The following MLH3 variants were observed in gnomAD, a reference collection of about 807,000 sequenced individuals.
The protein encoded by MLH3 is DNA mismatch repair protein Mlh3.
In MLH3, 82 loss-of-function variants were observed where a neutral mutation model predicts 122.2. That is an observed-to-expected ratio of 0.67 (90% confidence interval 0.56 to 0.81). The LOEUF (loss-of-function observed/expected upper bound fraction) is 0.81. Ranked by LOEUF, MLH3 falls within the 30% of genes least tolerant of loss-of-function variation. The pLI, the probability that MLH3 is intolerant of heterozygous loss-of-function variation, is 0.00. For missense variants in MLH3, 1,539 were observed against 1,714.5 expected (o/e 0.90, Z 1.81); for synonymous variants, 524 against 599.5 (o/e 0.87, Z 1.84).
chr14:75,027,687 A>AC (rs200090909), intron 9 of MLH3, among the ~76,000 whole-genome samples: 3 of 147,482 alleles, frequency 2.0e-5, no homozygotes, highest in East Asian at 3.9e-4. Flanking sequence ...AAAAAAAAAA[A>AC]AAAAAAACCC....
chr14:75,023,984 CA>C (rs1890457991), intron 9 of MLH3, among the ~76,000 whole-genome samples: 1 of 152,070 alleles, frequency 6.6e-6, no homozygotes, highest in African/African-American at 2.4e-5. Flanking sequence ...CAAACCTAAA[CA>C]GAAAGATGGT....
At position 75,048,174 on chromosome 14, in the gene MLH3, A is replaced by G. The variant is rs200067582; in HGVS notation, c.1482T>C (p.His494=). 4.1e-5 allele frequency: 66 copies of G among 1,613,976 alleles called. No individual in the cohort carries two copies. In the East Asian group the frequency reaches 1.4e-3, roughly 35 times the overall value. Reference sequence around the variant, plus strand: ...TTCCACACGGATTTTCTAAAGAGCTATGTTCCAGGAAAGATTTTTTATGTT... The same window carrying G: ...TTCCACACGGATTTTCTAAAGAGCTGTGTTCCAGGAAAGATTTTTTATGTT... ...NEKHKKSFLE[H]SSLENPCGTS... is the part of the protein sequence containing the mutation. The change falls in exon 2 of 13, where the codon CAT becomes CAC. Residue 494 remains histidine, a synonymous_variant. Transcript: ENST00000355774.
At chr14:75,032,317 C>T (rs1891104713) in intron 7 of MLH3, 138 bp from the exon 8 acceptor site, 3 of 681,402 alleles carry the variant, frequency 4.4e-6, no homozygotes, top group Admixed American at 4.6e-5. Context: ...TTTGGATTTC[C>T]ATTTTTAAAG....
chr14:75,040,265 T>C (rs1384597065), intron 4 of MLH3, among the ~76,000 whole-genome samples: 1 of 151,300 alleles, frequency 6.6e-6, no homozygotes, highest in Non-Finnish European at 1.5e-5. Flanking sequence ...CTGGCTAACA[T>C]GGTGAAACCC....
At chr14:75,045,934 T>G (rs1892177183) in intron 2 of MLH3, among the ~76,000 whole-genome samples, 1 of 151,968 alleles carries the variant, frequency 6.6e-6, no homozygotes, top group African/African-American at 2.4e-5. Flanking sequence ...ATCCCAACAC[T>G]CTGGGAGGCC....
intron 5 of MLH3, 127 bp downstream of exon 5, chr14:75,039,781 CACA>C: frequency 3.6e-6 from 1 of 279,668 alleles, no homozygotes. Context: ...CACACACACA[CACA>C]CACGTGCCTT....
At chr14:75,021,933 T>C (rs1890303998) in intron 11 of MLH3, among the ~76,000 whole-genome samples, 1 of 152,184 alleles carries the variant, frequency 6.6e-6, no homozygotes, top group Admixed American at 6.5e-5. Flanking sequence ...TCAACCTCAA[T>C]GCTCATCAAT....
chr14:75,036,044 T>C (rs963878097), intron 6 of MLH3, among the ~76,000 whole-genome samples: 1 of 152,234 alleles, frequency 6.6e-6, no homozygotes, highest in African/African-American at 2.4e-5. Flanking sequence ...TCTTACTTAA[T>C]GTCTTGGCAG....
chr14:75,020,180 G>T (rs1272014796), intron 11 of MLH3, among the ~76,000 whole-genome samples: 1 of 152,200 alleles, frequency 6.6e-6, no homozygotes, highest in Non-Finnish European at 1.5e-5. Flanking sequence ...AAAAAAGCAG[G>T]CTGGGATGTA....
chr14:75,022,362 C>T (rs187483240), intron 11 of MLH3, among the ~76,000 whole-genome samples: 65 of 152,354 alleles, frequency 4.3e-4, no homozygotes, highest in African/African-American at 1.5e-3. Context: ...CTAATGCCTT[C>T]TGTATCAAAT....
Position 75,016,999 on chromosome 14 carries a change from T to G in MLH3, c.*83A>C. On this transcript the variant is annotated 3_prime_UTR_variant, in exon 13 of 13. Coordinates refer to ENST00000355774, the MANE Select transcript of MLH3 (RefSeq NM_001040108.2). ...CACTGGGCTGATTCAGTCAGGGCCG[T>G]GCTGGTACCTGCTGCTGCTGCTCTC... 6.5e-7 allele frequency: 1 copy of G among 1,549,000 alleles called. No homozygotes were observed. Among genetic ancestry groups the G allele is most frequent in the East Asian group, 2.3e-5 (1 of 43,638 alleles).
chr14:75,033,775 T>A (rs1891207275), intron 6 of MLH3, among the ~76,000 whole-genome samples: 1 of 152,216 alleles, frequency 6.6e-6, no homozygotes, highest in South Asian at 2.1e-4. Context: ...CTAGTTTCTC[T>A]CTCCAGAGAT....
Position 75,014,745 on chromosome 14 carries a change from C to T in MLH3, c.*2337G>A, listed in dbSNP as rs1052995448. The T allele has an allele frequency of 2.6e-5, 5 of 194,542 alleles. No homozygotes were observed. Among genetic ancestry groups the T allele is most frequent in the Admixed American group, 6.1e-5 (1 of 16,360 alleles). The allele number at this position is 194,542 out of a possible 1,614,324, so 12.1% of individuals were successfully genotyped here. A position where few individuals can be genotyped will look rare whatever the true frequency, so the allele number is the denominator to read the frequency against. ...ACTCTGAAGTTACTAAAGCCTTCAG[C>T]GACCAGAATCTAATAAAGGTGAATC... is the stretch of plus-strand genomic sequence containing the variant. On this transcript the variant is annotated 3_prime_UTR_variant, in exon 13 of 13. Transcript: ENST00000355774.
rs774137288 is a variant in MLH3, at chr14:75,049,463, C to G, written c.193G>C (p.Asp65His). 1.9e-6 allele frequency: 3 copies of G among 1,614,008 alleles called. No individual in the cohort carries two copies. In the East Asian group the frequency reaches 6.7e-5, roughly 36 times the overall value. ...IDNGFGMGSD[D>H]VEKVGNRYFT... Reference sequence around the variant, plus strand: ...TAACGATTTCCCACTTTCTCTACATCATCACTCCCCATCCCAAATCCATTG... The same window carrying G: ...TAACGATTTCCCACTTTCTCTACATGATCACTCCCCATCCCAAATCCATTG... The change falls in exon 2 of 13, where the codon GAT becomes CAT. Residue 65 changes from aspartate (D) to histidine (H), a missense_variant. Asp to His is a moderately conservative substitution (Grantham distance 81). Transcript: ENST00000355774.
rs1251543200 is a variant in MLH3, at chr14:75,046,823, T to C, written c.2833A>G (p.Asn945Asp). The C allele has an allele frequency of 2.5e-6, 4 of 1,614,036 alleles. No individual in the cohort carries two copies. Among genetic ancestry groups the C allele is most frequent in the African/African-American group, 1.3e-5 (1 of 74,948 alleles). The stretch of plus-strand genomic sequence containing the variant: ...GTTTTACTATTTTTATTAAAGGAAT[T>C]ATCCTGTGTGGCAGAATCTGATGTT... ...IPTSDSATQD[N>D]SFNKNSKTHS... is the part of the protein sequence containing the mutation. Residue 945 changes from asparagine (N) to aspartate (D), a missense_variant, in exon 2 of 13, where the codon AAT becomes GAT. Coordinates refer to ENST00000355774, the MANE Select transcript of MLH3 (RefSeq NM_001040108.2).
In MLH3 at chr14:75,015,715, C is replaced by T. The variant is rs1408610756; in HGVS notation, c.*1367G>A. On this transcript the variant is annotated 3_prime_UTR_variant, in exon 13 of 13. Coordinates refer to ENST00000355774, the MANE Select transcript of MLH3 (RefSeq NM_001040108.2). ...TCAGGATTCCAATTACGTAAATCTA[C>T]AAGGATCCCCTTGAAAACAAGTGAA... 1 of 214,578 alleles carries T rather than the reference C, an allele frequency of 4.7e-6. No homozygotes were observed. The highest frequency in any genetic ancestry group is 2.3e-5 in the African/African-American group (1 of 42,834). 13.3% of individuals were successfully genotyped at this position (214,578 alleles called of 1,614,324 possible).
At position 75,049,726 on chromosome 14, in the gene MLH3, A is replaced by T; in HGVS notation, c.-63-8T>A. On this transcript the variant is annotated splice_region_variant and splice_polypyrimidine_tract_variant and intron_variant, in intron 1 of 12. Coordinates refer to ENST00000355774, the MANE Select transcript of MLH3 (RefSeq NM_001040108.2). Reference sequence around the variant, plus strand: ...CTGACTGGAAATAATTGCCTATTGGAGAAAAAAACCACACACGCACATAAT... The same window carrying T: ...CTGACTGGAAATAATTGCCTATTGGTGAAAAAAACCACACACGCACATAAT... The T allele has an allele frequency of 6.8e-7, 1 of 1,465,038 alleles. No homozygotes were observed. The highest frequency in any genetic ancestry group is 9.4e-7 in the Non-Finnish European group (1 of 1,063,936). 90.8% of individuals were successfully genotyped at this position (1,465,038 alleles called of 1,614,324 possible). A position where few individuals can be genotyped will look rare whatever the true frequency, so the allele number is the denominator to read the frequency against.
rs1890363842 is a variant in MLH3 at position 75,022,707 on chromosome 14, CAA to C, written c.4090+105_4090+106del. On this transcript the variant is annotated intron_variant, in intron 11 of 12. Coordinates refer to ENST00000355774, the MANE Select transcript of MLH3 (RefSeq NM_001040108.2). ...GTTTCTTGATCTAAATTGTATTCTC[CAA>C]GAGTCAAGTAGTAAATGTACCCTCT... 3.1e-6 allele frequency: 3 copies of C among 971,462 alleles called. No homozygotes were observed. In the Admixed American group the frequency reaches 5.1e-5, roughly 16 times the overall value. The allele number at this position is 971,462 out of a possible 1,614,324, so 60.2% of individuals were successfully genotyped here.
At position 75,046,479 on chromosome 14, in the gene MLH3, G is replaced by A; in HGVS notation, c.3177C>T (p.Asn1059=). The change falls in exon 2 of 13, where the codon AAC becomes AAT. Residue 1059 remains asparagine (N), a synonymous_variant. Coordinates refer to ENST00000355774, the MANE Select transcript of MLH3 (RefSeq NM_001040108.2). Reference sequence around the variant, plus strand: ...TGAATGTGCTGAGTCCAGTCATTTTGTTGACATAAACCATTCTTCCCAGGG... The same window carrying A: ...TGAATGTGCTGAGTCCAGTCATTTTATTGACATAAACCATTCTTCCCAGGG... The part of the protein sequence containing the change: ...DVALGRMVYV[N]KMTGLSTFIA... 1 of 1,614,200 alleles carries A rather than the reference G, an allele frequency of 6.2e-7. No homozygotes were observed. Among genetic ancestry groups the A allele is most frequent in the Non-Finnish European group, 8.5e-7 (1 of 1,180,026 alleles).
Sources: gnomAD v4.1 joint callset for allele counts (sites outside exome capture counted in the v4.1 genomes callset) on GRCh38, gnomAD v4.1.1 for gene constraint, MANE v1.5 for transcripts, NCBI Gene and HGNC (gene_info 2026-07-23, HGNC 2026-07-21) for gene names.